The following BNC2 variants were observed in gnomAD, a reference collection of about 807,000 sequenced individuals.
BNC2 encodes basonuclin zinc finger protein 2, also known as zinc finger protein basonuclin-2.
Under a neutral mutation model 76.3 loss-of-function variants are expected in BNC2, and 20 were observed. The ratio of observed to expected loss-of-function variants is 0.26; its 90% CI spans 0.18 to 0.38. BNC2 has a LOEUF of 0.38. BNC2 is among the 10% of genes least tolerant of loss of function. The pLI is 1.00. For missense variants in BNC2, 1,382 were observed against 1,399.8 expected (o/e 0.99, Z 0.20); for synonymous variants, 582 against 514.8 (o/e 1.13, Z -1.77).
chr9:16,830,708 T>G (rs1345845242), intron 1 of BNC2, among the ~76,000 whole-genome samples: 2 of 152,188 alleles, frequency 1.3e-5, no homozygotes, highest in Non-Finnish European at 2.9e-5. Context: ...TAAAACTCAT[T>G]TAGTGACTCA....
chr9:16,609,944 T>G (rs915559807), intron 3 of BNC2, among the ~76,000 whole-genome samples: 2 of 152,198 alleles, frequency 1.3e-5, no homozygotes, highest in African/African-American at 4.8e-5. Flanking sequence ...TTTGCTCTTA[T>G]TCTTCTCTGC....
chr9:16,463,697 C>T (rs1320707127), intron 5 of BNC2, among the ~76,000 whole-genome samples: 2 of 152,118 alleles, frequency 1.3e-5, no homozygotes, highest in Non-Finnish European at 2.9e-5. Flanking sequence ...ATGACGGTTA[C>T]ATATTAACAA....
intron 1 of BNC2, among the ~76,000 whole-genome samples, chr9:16,850,963 G>A (rs1375201692): frequency 2.6e-5 from 4 of 152,052 alleles, no homozygotes; most frequent in Non-Finnish European, 5.9e-5. Flanking sequence ...CAGGCTGTCT[G>A]AAATCAATGT....
chr9:16,844,204 T>C (rs1048121989), intron 1 of BNC2, among the ~76,000 whole-genome samples: 2 of 152,016 alleles, frequency 1.3e-5, no homozygotes, highest in East Asian at 3.8e-4. Flanking sequence ...ACATTTTAAG[T>C]GCTAGTTTAC....
intron 3 of BNC2, among the ~76,000 whole-genome samples, chr9:16,608,807 G>A (rs780413878): frequency 3.9e-5 from 6 of 152,246 alleles, no homozygotes; most frequent in South Asian, 2.1e-4. Flanking sequence ...TCCAAAGCCC[G>A]GCAGAAGCAT....
intron 1 of BNC2, among the ~76,000 whole-genome samples, chr9:16,835,770 C>T (rs142275242): frequency 6.6e-6 from 1 of 152,152 alleles, no homozygotes. Context: ...AGGCACAGTT[C>T]TGGTATCCTA....
At chr9:16,421,257 C>T in intron 6 of BNC2, 1 of 1,299,866 alleles carries the variant, frequency 7.7e-7, no homozygotes, top group Non-Finnish European at 1.0e-6. Context: ...GAAGGCTGAG[C>T]TTACCTTGTG....
At chr9:16,676,798 A>G (rs144323417) in intron 3 of BNC2, among the ~76,000 whole-genome samples, 29 of 151,860 alleles carry the variant, frequency 1.9e-4, no homozygotes, top group African/African-American at 4.8e-4. Flanking sequence ...AAGGGAGGAG[A>G]AAAAAAAAGC....
intron 3 of BNC2, among the ~76,000 whole-genome samples, chr9:16,658,356 T>G (rs1181711028): frequency 6.6e-6 from 1 of 152,132 alleles, no homozygotes; most frequent in Non-Finnish European, 1.5e-5. Flanking sequence ...AACAAAACTT[T>G]AAACAGCCCA....
intron 5 of BNC2, among the ~76,000 whole-genome samples, chr9:16,498,745 A>G (rs1822453893): frequency 6.6e-6 from 1 of 152,074 alleles, no homozygotes; most frequent in Admixed American, 6.6e-5. Context: ...TCCTACCTTA[A>G]TTTATGATGC....
intron 5 of BNC2, among the ~76,000 whole-genome samples, chr9:16,497,499 C>T (rs183202105): frequency 9.9e-5 from 15 of 152,138 alleles, no homozygotes; most frequent in African/African-American, 3.6e-4. Context: ...TATTATATGC[C>T]ACACATTATA....
chr9:16,844,280 C>T (rs948903269), intron 1 of BNC2, among the ~76,000 whole-genome samples: 1 of 151,868 alleles, frequency 6.6e-6, no homozygotes. Context: ...GAGTTGGGGG[C>T]TTACGACTAA....
At chr9:16,605,555 T>G (rs1296746315) in intron 3 of BNC2, among the ~76,000 whole-genome samples, 1 of 152,256 alleles carries the variant, frequency 6.6e-6, no homozygotes, top group Non-Finnish European at 1.5e-5. Context: ...CCATGACTAC[T>G]GTTAAGTAAC....
Position 16,479,169 on chromosome 9 carries a change from T to A in BNC2, c.670-41645A>T, listed in dbSNP as rs531491457. ...CGGGAGTCTGAGGCAGGAGAACTGC[T>A]TGAATCTGGGAGGCGGAGGCTGCAG... On this transcript the variant is annotated intron_variant, in intron 5 of 6. Coordinates refer to ENST00000380672, the MANE Select transcript of BNC2 (RefSeq NM_017637.6). 2.6e-5 allele frequency among the ~76,000 whole-genome samples: 4 copies of A among 151,564 alleles called. No homozygotes were observed. The East Asian group carries it at 7.8e-4, about 30-fold the overall frequency.
rs79343953 is a variant in BNC2, at chr9:16,576,685, A to G, written c.433+6298T>C. Among the ~76,000 whole-genome samples, 3 of 152,188 alleles carry G rather than the reference A, an allele frequency of 2.0e-5. No homozygotes were observed. The East Asian group carries it at 5.8e-4, about 29-fold the overall frequency. ...TCCAACGAACTTGAGGAATTTGTAA[A>G]TAAAATACTGAGATCTCATGATTCT... On this transcript the variant is annotated intron_variant, in intron 4 of 6. Transcript: ENST00000380672.
intron 2 of BNC2, among the ~76,000 whole-genome samples, chr9:16,729,446 A>G (rs1163775351): frequency 6.6e-6 from 1 of 152,224 alleles, no homozygotes; most frequent in Admixed American, 6.5e-5. Context: ...GCTCTGTGTC[A>G]TTAGTGGACA....
chr9:16,743,315 T>C (rs1824904186), intron 1 of BNC2, among the ~76,000 whole-genome samples: 1 of 152,268 alleles, frequency 6.6e-6, no homozygotes, highest in African/African-American at 2.4e-5. Flanking sequence ...TTTACTTTTT[T>C]TTTTCCCCAT....
At chr9:16,808,898 C>A (rs1436965571) in intron 1 of BNC2, among the ~76,000 whole-genome samples, 1 of 152,040 alleles carries the variant, frequency 6.6e-6, no homozygotes, top group Non-Finnish European at 1.5e-5. Flanking sequence ...AAATCTCCTA[C>A]TTCCCAGACC....
chr9:16,476,989 C>T (rs1821942065), intron 5 of BNC2, among the ~76,000 whole-genome samples: 1 of 152,146 alleles, frequency 6.6e-6, no homozygotes, highest in South Asian at 2.1e-4. Context: ...TCAAGAGGAA[C>T]CCCGATATTC....
Sources: gnomAD v4.1 joint callset for allele counts (sites outside exome capture counted in the v4.1 genomes callset) on GRCh38, gnomAD v4.1.1 for gene constraint, MANE v1.5 for transcripts, NCBI Gene and HGNC (gene_info 2026-07-23, HGNC 2026-07-21) for gene names.